SIAH3: variants seen among roughly 807,000 people sequenced by gnomAD.
SIAH3 encodes seven in absentia homolog 3.
In SIAH3, 9 loss-of-function variants were observed where a neutral mutation model predicts 12.6. That is an observed-to-expected ratio of 0.72 (90% CI 0.43 to 1.25). The LOEUF is 1.25. Among genes scored for constraint, SIAH3 ranks in the 50% most tolerant of loss-of-function variants. The pLI, the probability that SIAH3 is intolerant of heterozygous loss-of-function variation, is 0.00. For missense variants in SIAH3, 390 were observed against 365.4 expected (o/e 1.07, Z -0.55); for synonymous variants, 154 against 151.1 (o/e 1.02, Z -0.14).
At chr13:45,837,613 G>A (rs1020599908) in intron 1 of SIAH3, among the ~76,000 whole-genome samples, 2 of 149,494 alleles carry the variant, frequency 1.3e-5, no homozygotes, top group Non-Finnish European at 3.0e-5. Flanking sequence ...CAGAGGGAGG[G>A]AGGGAGGAAG....
intron 1 of SIAH3, among the ~76,000 whole-genome samples, chr13:45,799,061 A>C (rs553704290): frequency 1.3e-5 from 2 of 152,332 alleles, no homozygotes; most frequent in South Asian, 4.1e-4. Context: ...TTTCCACAGC[A>C]CTAGATCCTG....
chr13:45,783,419 G>T lies in SIAH3; in HGVS notation c.774C>A (p.Thr258=). ...NGSLAIGIAI[T]ATEVLPSEAE... ...CTTCTGAGGGGAGGACCTCTGTCGC[G>T]GTGATGGCAATCCCAATGGCAAGGC... Residue 258 remains threonine, a synonymous_variant, in exon 2 of 2, where the codon ACC becomes ACA. Coordinates refer to ENST00000400405, the MANE Select transcript of SIAH3 (RefSeq NM_198849.3). The T allele has an allele frequency of 6.2e-7, 1 of 1,613,494 alleles. No individual in the cohort carries two copies. Among genetic ancestry groups the T allele is most frequent in the East Asian group, 2.2e-5 (1 of 44,864 alleles).
At chr13:45,842,042 G>A (rs576528147) in intron 1 of SIAH3, among the ~76,000 whole-genome samples, 2 of 152,306 alleles carry the variant, frequency 1.3e-5, no homozygotes, top group South Asian at 4.2e-4. Flanking sequence ...TCATCCCCTT[G>A]AGCCACATTT....
chr13:45,836,793 C>A (rs1181634849), intron 1 of SIAH3, among the ~76,000 whole-genome samples: 5 of 152,168 alleles, frequency 3.3e-5, no homozygotes, highest in Non-Finnish European at 1.5e-5. Flanking sequence ...ATAAAGAAAT[C>A]CTGCCTCAGT....
intron 1 of SIAH3, among the ~76,000 whole-genome samples, chr13:45,846,663 C>T (rs916428939): frequency 2.0e-5 from 3 of 152,112 alleles, no homozygotes; most frequent in Non-Finnish European, 2.9e-5. Context: ...GAAAGCTTTC[C>T]GTATCTATTT....
At position 45,783,364 on chromosome 13, in the gene SIAH3, GC is replaced by G; in HGVS notation, c.*18del. ...GTTTCCTAGGGAGGCTGTGTGGGGA[GC>G]ATCCGTGGCTCCTGGCCTCACATTT... On this transcript the variant is annotated 3_prime_UTR_variant, in exon 2 of 2. Coordinates refer to ENST00000400405, the MANE Select transcript of SIAH3 (RefSeq NM_198849.3). 1 of 1,593,312 alleles carries G rather than the reference GC, an allele frequency of 6.3e-7. No individual in the cohort carries two copies. The highest frequency in any genetic ancestry group is 8.6e-7 in the Non-Finnish European group (1 of 1,165,640).
intron 1 of SIAH3, among the ~76,000 whole-genome samples, chr13:45,837,770 A>C (rs1950723913): frequency 6.6e-6 from 1 of 152,254 alleles, no homozygotes; most frequent in African/African-American, 2.4e-5. Flanking sequence ...CAGGCAAGGT[A>C]AACGAAGCTC....
chr13:45,810,049 A>G (rs1950611232), intron 1 of SIAH3, among the ~76,000 whole-genome samples: 1 of 152,154 alleles, frequency 6.6e-6, no homozygotes, highest in Non-Finnish European at 1.5e-5. Flanking sequence ...CAAAGTTCCT[A>G]AAGCAGCCCA....
intron 1 of SIAH3, among the ~76,000 whole-genome samples, chr13:45,826,320 T>C (rs1416566248): frequency 1.3e-5 from 2 of 151,098 alleles, no homozygotes; most frequent in Non-Finnish European, 3.0e-5. Flanking sequence ...TAAATAAACA[T>C]TTAAATGGAT....
At chr13:45,822,070 C>T (rs936457554) in intron 1 of SIAH3, among the ~76,000 whole-genome samples, 15 of 152,158 alleles carry the variant, frequency 9.9e-5, no homozygotes, top group African/African-American at 3.1e-4. Flanking sequence ...GCAAGTGACA[C>T]GTGGACCCAG....
intron 1 of SIAH3, among the ~76,000 whole-genome samples, chr13:45,828,931 A>G (rs1273503912): frequency 7.0e-6 from 1 of 143,222 alleles, no homozygotes; most frequent in Non-Finnish European, 1.6e-5. Context: ...TTTGAACAGA[A>G]TTAACTCTAT....
chr13:45,810,015 G>A (rs113441114), intron 1 of SIAH3, among the ~76,000 whole-genome samples: 3 of 152,270 alleles, frequency 2.0e-5, no homozygotes, highest in African/African-American at 2.4e-5. Flanking sequence ...CTCCCTGGTC[G>A]AGCTAGTCCT....
intron 1 of SIAH3, among the ~76,000 whole-genome samples, chr13:45,810,586 T>C (rs1270121170): frequency 6.6e-6 from 1 of 152,182 alleles, no homozygotes; most frequent in Admixed American, 6.5e-5. Flanking sequence ...TGCGTTTGCC[T>C]GGGGCTGGTT....
intron 1 of SIAH3, among the ~76,000 whole-genome samples, chr13:45,784,353 A>G (rs1052574655): frequency 3.3e-5 from 5 of 151,136 alleles, no homozygotes; most frequent in African/African-American, 1.2e-4. Flanking sequence ...CTCGTCAAGT[A>G]ACATGCAGTA....
chr13:45,804,352 C>A (rs1950591852), intron 1 of SIAH3, among the ~76,000 whole-genome samples: 1 of 152,064 alleles, frequency 6.6e-6, no homozygotes, highest in South Asian at 2.1e-4. Flanking sequence ...ATTCTATTTA[C>A]ATGAACTGTC....
At chr13:45,834,623 C>T (rs776929726) in intron 1 of SIAH3, among the ~76,000 whole-genome samples, 11 of 152,200 alleles carry the variant, frequency 7.2e-5, no homozygotes, top group Non-Finnish European at 1.5e-4. Context: ...GGGCTTCCAG[C>T]TCAGTGTCTG....
intron 1 of SIAH3, among the ~76,000 whole-genome samples, chr13:45,826,380 A>ATGGGTGGTTGG (rs1566094824): frequency 9.5e-6 from 1 of 105,136 alleles, no homozygotes; most frequent in Non-Finnish European, 1.9e-5. Flanking sequence ...TGGATGAATG[A>ATGGGTGGTTGG]ATGGATGGAT....
At chr13:45,830,446 C>T (rs1357140667) in intron 1 of SIAH3, among the ~76,000 whole-genome samples, 2 of 152,242 alleles carry the variant, frequency 1.3e-5, no homozygotes, top group Non-Finnish European at 2.9e-5. Context: ...GATGCACATT[C>T]CTCAAGGCGT....
chr13:45,785,682 C>A (rs1007943187), intron 1 of SIAH3, among the ~76,000 whole-genome samples: 8 of 152,226 alleles, frequency 5.3e-5, no homozygotes, highest in Non-Finnish European at 1.0e-4. Flanking sequence ...CAGCTCTCCT[C>A]TCCAGTTGTT....
Sources: allele counts gnomAD v4.1 joint callset (sites outside exome capture counted in the v4.1 genomes callset), GRCh38; gene constraint gnomAD v4.1.1; transcripts MANE v1.5; gene names NCBI Gene and HGNC (gene_info 2026-07-23, HGNC 2026-07-21).